The following DDX3X variants were observed in gnomAD, a reference collection of about 807,000 sequenced individuals.
DDX3X encodes DEAD-box helicase 3 X-linked.
A neutral mutation model predicts 52.7 loss-of-function variants in DDX3X; 4 were observed. The ratio of observed to expected loss-of-function variants is 0.08; its 90% CI spans 0.04 to 0.17. The LOEUF (loss-of-function observed/expected upper bound fraction) is 0.17. Among genes scored for constraint, DDX3X ranks in the 10% least tolerant of loss-of-function variants. The probability of loss-of-function intolerance (pLI) is 1.00; values close to 1 mark genes in which losing one functional copy is unlikely to be tolerated. For synonymous variants in DDX3X, 192 were observed against 178.1 expected (o/e 1.08, Z -0.62); for missense variants, 222 against 548.6 (o/e 0.40, Z 5.95).
chrX:41,361,916 C>T (rs1335445647), intron 5 of DDX3X, among the ~76,000 whole-genome samples: 1 of 110,783 alleles, frequency 9.0e-6, no homozygotes, highest in Non-Finnish European at 1.9e-5. Flanking sequence ...GGTCCCCCCA[C>T]ATCTCATTAA....
In DDX3X at chrX:41,356,137, C is replaced by CTTT. The variant is rs768758470; in HGVS notation, c.655-8119_655-8117dup. Reference sequence around the variant, plus strand: ...AGTTTGATGTAGTCCAATTTGTCAGCTTTTTTTTTTTTTTTTTTTTGAGAC... The same window carrying CTTT: ...AGTTTGATGTAGTCCAATTTGTCAGCTTTTTTTTTTTTTTTTTTTTTTTGAGAC... On this transcript the variant is annotated intron_variant, in intron 5 of 5. Coordinates refer to the DDX3X transcript ENST00000616050. Among the ~76,000 whole-genome samples, 281 of 78,468 alleles carry CTTT rather than the reference C, an allele frequency of 3.6e-3. 6 individuals carry two copies. The highest frequency in any genetic ancestry group is 0.014 in the African/African-American group (262 of 18,663). The allele number at this position is 78,468 out of a possible 115,157, so 68.1% of individuals were successfully genotyped here.
downstream of DDX3X, chrX:41,351,656 G>A (rs1207002474): frequency 9.0e-6 from 1 of 111,361 alleles, no homozygotes; most frequent in African/African-American, 3.3e-5. Flanking sequence ...ATACAATTCT[G>A]AGTATATTTA....
At chrX:41,339,001 TTTAA>T (rs2063809662) in intron 2 of DDX3X, 31 bp from the exon 3 acceptor site, 2 of 665,256 alleles carry the variant, frequency 3.0e-6, no homozygotes, top group Non-Finnish European at 4.0e-6. Context: ...TTTTTTGGCA[TTTAA>T]TTAATTTTAT....
At position 41,343,229 on chromosome X, in the gene DDX3X, A is replaced by T; in HGVS notation, c.557A>T (p.Glu186Val). ...PPHIESFSDV[E>V]MGEIIMGNIE... is the part of the protein sequence containing the mutation. ...ATTTCTTAACAGTTCAGTGATGTTG[A>T]GATGGGAGAAATTATCATGGGAAAC... Residue 186 changes from glutamate (E) to valine (V), a missense_variant, in exon 7 of 17, where the codon GAG becomes GTG. Glu to Val is a moderately radical substitution (Grantham distance 121). Around this residue, in one of 5 missense-constraint regions of DDX3X, gnomAD observed 73 missense variants for 301.4 expected, o/e 0.24. Coordinates refer to ENST00000644876, the MANE Select transcript of DDX3X (RefSeq NM_001356.5). 8.3e-7 allele frequency: 1 copy of T among 1,208,154 alleles called. No homozygotes were observed. Among genetic ancestry groups the T allele is most frequent in the Non-Finnish European group, 1.1e-6 (1 of 894,385 alleles).
intron 5 of DDX3X, chrX:41,358,026 C>T: frequency 4.4e-6 from 1 of 227,587 alleles, no homozygotes; most frequent in Non-Finnish European, 7.8e-6. Context: ...CTGTAAGCAC[C>T]TTTTGGAAGG....
chrX:41,355,855 T>C (rs1189430699), intron 5 of DDX3X, among the ~76,000 whole-genome samples: 1 of 110,437 alleles, frequency 9.1e-6, no homozygotes, highest in African/African-American at 3.3e-5. Flanking sequence ...TTTGCATTTC[T>C]CTAATGGCTG....
chrX:41,359,651 G>A (rs1379612211), intron 5 of DDX3X, among the ~76,000 whole-genome samples: 2 of 102,133 alleles, frequency 2.0e-5, no homozygotes, highest in African/African-American at 3.6e-5. Context: ...TAAGGTATAA[G>A]TATATCAAAT....
chrX:41,356,480 G>GAAC (rs2064009715), intron 5 of DDX3X, among the ~76,000 whole-genome samples: 1 of 66,015 alleles, frequency 1.5e-5, no homozygotes, highest in East Asian at 5.0e-4. Context: ...TTTTTTTTGA[G>GAAC]ACGGAGTCTC....
intron 5 of DDX3X, among the ~76,000 whole-genome samples, chrX:41,358,155 G>A (rs1189493403): frequency 2.3e-5 from 2 of 86,580 alleles, no homozygotes; most frequent in African/African-American, 9.0e-5. Flanking sequence ...TCTGCTCACC[G>A]CAACCTCCAC....
intron 5 of DDX3X, among the ~76,000 whole-genome samples, chrX:41,356,048 G>A (rs1461736214): frequency 4.6e-5 from 5 of 109,740 alleles, no homozygotes; most frequent in African/African-American, 1.3e-4. Context: ...AATCAAAGTC[G>A]TCTTTTCATC....
intron 2 of DDX3X, chrX:41,337,748 G>A (rs762971293): frequency 4.9e-6 from 1 of 202,580 alleles, no homozygotes; most frequent in East Asian, 1.0e-4. Flanking sequence ...GGGTTCAAGC[G>A]ATTCTCCTGC....
intron 5 of DDX3X, chrX:41,364,207 G>GGC (rs1351362251): frequency 6.8e-5 from 20 of 294,163 alleles, no homozygotes; most frequent in Admixed American, 1.2e-4. Flanking sequence ...AAGTCCATGG[G>GGC]GCGGGTGCCC....
chrX:41,339,188 GTT>G (rs2147344105), intron 3 of DDX3X, 105 bp downstream of exon 3: 1 of 347,844 alleles, frequency 2.9e-6, no homozygotes, highest in East Asian at 5.1e-5. Context: ...ACATGGTGTT[GTT>G]TTTCTATGCT....
At position 41,348,204 on chromosome X, in the gene DDX3X, A is replaced by G. The variant is rs2063950144; in HGVS notation, c.*485A>G. 4.8e-6 allele frequency: 1 copy of G among 206,288 alleles called. No homozygotes were observed. The highest frequency in any genetic ancestry group is 2.9e-5 in the African/African-American group (1 of 34,495). The allele number at this position is 206,288 out of a possible 1,213,427, so 17.0% of individuals were successfully genotyped here. A position where few individuals can be genotyped will look rare whatever the true frequency, so the allele number is the denominator to read the frequency against. On this transcript the variant is annotated 3_prime_UTR_variant, in exon 17 of 17. Coordinates refer to ENST00000644876, the MANE Select transcript of DDX3X (RefSeq NM_001356.5). Reference sequence around the variant, plus strand: ...GATTCATCCATAAATAATATAAGGAAAAACTTATGCGGTAGCCTGCATTAG... The same window carrying G: ...GATTCATCCATAAATAATATAAGGAGAAACTTATGCGGTAGCCTGCATTAG...
chrX:41,337,933 C>G (rs1602120393), intron 2 of DDX3X: 1 of 111,902 alleles, frequency 8.9e-6, no homozygotes, highest in Non-Finnish European at 1.9e-5. Context: ...GGAATGTGTC[C>G]CTGTTAACTG....
intron 3 of DDX3X, 192 bp downstream of exon 3, chrX:41,339,275 TC>T: frequency 4.6e-6 from 1 of 215,615 alleles, no homozygotes; most frequent in Non-Finnish European, 8.8e-6. Context: ...AGTGGGAAAT[TC>T]GGCATTCCTA....
intron 8 of DDX3X, 45 bp from the exon 9 acceptor site, chrX:41,343,985 A>T (rs749374119): frequency 9.1e-7 from 1 of 1,096,530 alleles, no homozygotes; most frequent in South Asian, 2.0e-5. Context: ...TGAACTTTTC[A>T]AACAGGGTAG....
chrX:41,337,378 TG>T (rs2063785971), intron 1 of DDX3X, 29 bp from the exon 2 acceptor site: 1 of 1,177,328 alleles, frequency 8.5e-7, no homozygotes, highest in Non-Finnish European at 1.2e-6. Flanking sequence ...TTTGAGCACA[TG>T]GGGTGCTAAC....
chrX:41,341,378 A>G (rs982807729), intron 3 of DDX3X, 106 bp from the exon 4 acceptor site: 8 of 613,371 alleles, frequency 1.3e-5, no homozygotes, highest in Non-Finnish European at 2.0e-5. Context: ...GTGCCATGGT[A>G]GGGATAGTCA....
Sources: gnomAD v4.1 joint callset for allele counts (sites outside exome capture counted in the v4.1 genomes callset) on GRCh38, gnomAD v4.1.1 for gene constraint, gnomAD v4.1.1 regional missense constraint, MANE v1.5 for transcripts, NCBI Gene and HGNC (gene_info 2026-07-23, HGNC 2026-07-21) for gene names.